CADM2: variants seen among roughly 807,000 people sequenced by gnomAD.
CADM2 encodes cell adhesion molecule 2.
Under a neutral mutation model 49.8 loss-of-function variants are expected in CADM2, and 12 were observed. The ratio of observed to expected loss-of-function variants is 0.24; its 90% CI spans 0.15 to 0.39. The LOEUF is 0.39. CADM2 is among the 10% of genes least tolerant of loss of function. The pLI, the probability that CADM2 is intolerant of heterozygous loss-of-function variation, is 1.00. For synonymous variants in CADM2, 214 were observed against 175.4 expected (o/e 1.22, Z -1.74); for missense variants, 378 against 492.3 (o/e 0.77, Z 2.20).
intron 1 of CADM2, among the ~76,000 whole-genome samples, chr3:85,230,309 C>T (rs763696030): frequency 1.2e-4 from 18 of 152,114 alleles, no homozygotes; most frequent in Admixed American, 2.0e-4. Flanking sequence ...AATGAGAATA[C>T]AAAATGTATT....
intron 1 of CADM2, among the ~76,000 whole-genome samples, chr3:84,977,365 C>T (rs549877976): frequency 2.0e-5 from 3 of 151,982 alleles, no homozygotes; most frequent in African/African-American, 7.2e-5. Context: ...AATGAAGAAG[C>T]CTAACACAAT....
At chr3:85,878,498 G>A (rs10779988) in intron 3 of CADM2, among the ~76,000 whole-genome samples, 106,128 of 151,980 alleles carry the variant, frequency 0.7, 38,681 homozygotes, top group African/African-American at 0.92. Context: ...AAAATATCTA[G>A]TTTTTCCTCA....
intron 1 of CADM2, among the ~76,000 whole-genome samples, chr3:85,527,297 G>C (rs1217934247): frequency 2.6e-5 from 4 of 151,362 alleles, no homozygotes; most frequent in Admixed American, 6.6e-5. Context: ...AAGGTGAGAG[G>C]CTTATTTGAG....
At chr3:85,824,660 G>A (rs767258590) in intron 3 of CADM2, among the ~76,000 whole-genome samples, 2 of 152,002 alleles carry the variant, frequency 1.3e-5, no homozygotes, top group Admixed American at 1.3e-4. Context: ...TTGTTCAAAA[G>A]TCCCTAAAAT....
intron 1 of CADM2, among the ~76,000 whole-genome samples, chr3:85,274,080 T>C (rs188007131): frequency 6.6e-6 from 1 of 151,524 alleles, no homozygotes; most frequent in East Asian, 1.9e-4. Context: ...GGAGAAACAC[T>C]GAGAATTGCA....
At chr3:86,042,393 G>A (rs919829480) in intron 8 of CADM2, among the ~76,000 whole-genome samples, 2 of 151,820 alleles carry the variant, frequency 1.3e-5, no homozygotes, top group Admixed American at 1.3e-4. Context: ...ATGATAAAGG[G>A]GATATCACTA....
intron 1 of CADM2, among the ~76,000 whole-genome samples, chr3:85,679,918 C>T (rs1053693808): frequency 6.6e-6 from 1 of 152,000 alleles, no homozygotes; most frequent in Non-Finnish European, 1.5e-5. Context: ...ATTCATTTTG[C>T]TATATGAAGA....
At chr3:85,479,635 T>C (rs1371735320) in intron 1 of CADM2, among the ~76,000 whole-genome samples, 1 of 151,908 alleles carries the variant, frequency 6.6e-6, no homozygotes. Flanking sequence ...GGATTGAATC[T>C]ATGATGTCAG....
chr3:85,708,282 A>G (rs1477842151), intron 1 of CADM2, among the ~76,000 whole-genome samples: 1 of 152,050 alleles, frequency 6.6e-6, no homozygotes, highest in Non-Finnish European at 1.5e-5. Context: ...CTTTTTTTTA[A>G]TTTAATCTAG....
At chr3:85,014,077 A>G (rs1009543520) in intron 1 of CADM2, among the ~76,000 whole-genome samples, 3 of 145,822 alleles carry the variant, frequency 2.1e-5, no homozygotes, top group Non-Finnish European at 4.5e-5. Context: ...ATTGTATATT[A>G]TATATACGCA....
At chr3:85,924,093 T>C (rs1206589980) in intron 6 of CADM2, among the ~76,000 whole-genome samples, 2 of 152,196 alleles carry the variant, frequency 1.3e-5, no homozygotes, top group Non-Finnish European at 2.9e-5. Flanking sequence ...TAATGTATCT[T>C]AGATTTATAA....
chr3:85,269,292 C>T (rs547977414), intron 1 of CADM2, among the ~76,000 whole-genome samples: 21 of 151,516 alleles, frequency 1.4e-4, no homozygotes, highest in African/African-American at 4.8e-4. Flanking sequence ...TATTCATTTA[C>T]ACTGTGACTT....
chr3:86,036,547 A>T (rs974803276), intron 8 of CADM2, among the ~76,000 whole-genome samples: 1 of 152,114 alleles, frequency 6.6e-6, no homozygotes, highest in Non-Finnish European at 1.5e-5. Flanking sequence ...TGTTGGACTG[A>T]ATTATCACAT....
intron 1 of CADM2, among the ~76,000 whole-genome samples, chr3:85,119,321 A>G (rs1288422376): frequency 1.3e-5 from 2 of 152,012 alleles, no homozygotes. Context: ...AGGTGGCATT[A>G]TTTCTGAAAC....
At chr3:85,808,511 A>C (rs990612260) in intron 3 of CADM2, among the ~76,000 whole-genome samples, 14 of 152,182 alleles carry the variant, frequency 9.2e-5, no homozygotes, top group African/African-American at 3.1e-4. Context: ...AAACAATTGA[A>C]GTAGCACAAT....
At chr3:85,365,460 A>G (rs1023895269) in intron 1 of CADM2, among the ~76,000 whole-genome samples, 5 of 152,156 alleles carry the variant, frequency 3.3e-5, no homozygotes, top group Admixed American at 1.3e-4. Flanking sequence ...TTGGCCCATT[A>G]TTCAATTTAT....
intron 3 of CADM2, among the ~76,000 whole-genome samples, chr3:85,825,331 C>A (rs1258584208): frequency 6.6e-6 from 1 of 151,950 alleles, no homozygotes; most frequent in Non-Finnish European, 1.5e-5. Context: ...GCTCATGGAC[C>A]AGAAAAGGTG....
chr3:85,706,648 A>C (rs770704416), intron 1 of CADM2, among the ~76,000 whole-genome samples: 7 of 152,182 alleles, frequency 4.6e-5, no homozygotes, highest in Admixed American at 2.6e-4. Flanking sequence ...AACTGATGAC[A>C]GCTCTAACTG....
intron 8 of CADM2, among the ~76,000 whole-genome samples, chr3:86,000,639 A>G (rs2108739521): frequency 6.6e-6 from 1 of 152,064 alleles, no homozygotes; most frequent in East Asian, 1.9e-4. Flanking sequence ...GGAGTCTTTC[A>G]CGGATAGGAA....
Sources: gnomAD v4.1 joint callset for allele counts (sites outside exome capture counted in the v4.1 genomes callset) on GRCh38, gnomAD v4.1.1 for gene constraint, MANE v1.5 for transcripts, NCBI Gene and HGNC (gene_info 2026-07-23, HGNC 2026-07-21) for gene names.